The following LYPD6B variants were observed in gnomAD, a reference collection of about 807,000 sequenced individuals.
LYPD6B encodes the protein LY6/PLAUR domain containing 6B.
Under a neutral mutation model 22.8 loss-of-function variants are expected in LYPD6B, and 17 were observed. The observed-to-expected ratio is 0.75, with a 90% CI of 0.51 to 1.12. The LOEUF is 1.12. LYPD6B is among the 50% of genes most tolerant of loss of function. LYPD6B has a pLI of 0.00. For missense variants in LYPD6B, 221 were observed against 258.3 expected (o/e 0.86, Z 0.99); for synonymous variants, 106 against 91.6 (o/e 1.16, Z -0.90).
intron 3 of LYPD6B, among the ~76,000 whole-genome samples, chr2:149,167,054 GTT>G: frequency 6.9e-6 from 1 of 145,074 alleles, no homozygotes; most frequent in African/African-American, 2.5e-5. Flanking sequence ...TGCATTAAGT[GTT>G]TTTTTTTTTT....
At chr2:149,062,148 A>C (rs1684115188) in intron 1 of LYPD6B, among the ~76,000 whole-genome samples, 1 of 151,938 alleles carries the variant, frequency 6.6e-6, no homozygotes, top group Non-Finnish European at 1.5e-5. Flanking sequence ...CCACTACGCC[A>C]GGCTAATTTT....
At chr2:149,063,837 G>A (rs1039506054) in intron 1 of LYPD6B, among the ~76,000 whole-genome samples, 12 of 152,070 alleles carry the variant, frequency 7.9e-5, no homozygotes, top group African/African-American at 2.7e-4. Context: ...AGCAAAAGAA[G>A]CAACTAGCAA....
chr2:149,148,391 T>G (rs1689167222), intron 2 of LYPD6B, among the ~76,000 whole-genome samples: 1 of 152,172 alleles, frequency 6.6e-6, no homozygotes, highest in Non-Finnish European at 1.5e-5. Flanking sequence ...ATTCGGATCT[T>G]TGCCAAACTA....
intron 3 of LYPD6B, among the ~76,000 whole-genome samples, chr2:149,188,260 A>G (rs1160274091): frequency 2.6e-5 from 4 of 152,172 alleles, no homozygotes; most frequent in African/African-American, 7.2e-5. Context: ...TGTGATGCAA[A>G]GTAGAGACTC....
chr2:149,143,580 G>A (rs1178716915), intron 2 of LYPD6B, among the ~76,000 whole-genome samples: 1 of 151,472 alleles, frequency 6.6e-6, no homozygotes, highest in Non-Finnish European at 1.5e-5. Context: ...ATTAGCTATG[G>A]GTGACAATAA....
intron 1 of LYPD6B, among the ~76,000 whole-genome samples, chr2:149,067,246 G>A (rs1322010636): frequency 6.6e-6 from 1 of 152,062 alleles, no homozygotes; most frequent in Non-Finnish European, 1.5e-5. Flanking sequence ...TACATAATAT[G>A]TAAATGGTTT....
At chr2:149,124,774 A>G (rs1687591129) in intron 1 of LYPD6B, among the ~76,000 whole-genome samples, 1 of 152,146 alleles carries the variant, frequency 6.6e-6, no homozygotes, top group South Asian at 2.1e-4. Flanking sequence ...ATTACGTAAA[A>G]AGGAGCCCGA....
At chr2:149,115,166 T>A (rs547406694) in intron 1 of LYPD6B, among the ~76,000 whole-genome samples, 1 of 152,294 alleles carries the variant, frequency 6.6e-6, no homozygotes, top group Non-Finnish European at 1.5e-5. Context: ...CTTGAACTCC[T>A]GACCTCAAGT....
At chr2:149,050,346 T>G (rs1441855140) in intron 1 of LYPD6B, among the ~76,000 whole-genome samples, 1 of 152,134 alleles carries the variant, frequency 6.6e-6, no homozygotes, top group African/African-American at 2.4e-5. Context: ...TCATGATCCA[T>G]TTCACCCTGG....
At chr2:149,167,141 A>C (rs779452031) in intron 3 of LYPD6B, among the ~76,000 whole-genome samples, 7 of 152,068 alleles carry the variant, frequency 4.6e-5, no homozygotes, top group Non-Finnish European at 7.4e-5. Flanking sequence ...ATAGAAATGA[A>C]AACCTGACAG....
intron 5 of LYPD6B, among the ~76,000 whole-genome samples, chr2:149,210,708 T>C (rs1178801121): frequency 6.6e-6 from 1 of 152,242 alleles, no homozygotes; most frequent in East Asian, 1.9e-4. Context: ...GCTGACTTTT[T>C]AGGGCTGCCT....
intron 1 of LYPD6B, among the ~76,000 whole-genome samples, chr2:149,127,084 G>C (rs1300421349): frequency 6.7e-6 from 1 of 149,032 alleles, no homozygotes; most frequent in African/African-American, 2.5e-5. Flanking sequence ...AAATCTTTCT[G>C]GTCATTTTCT....
chr2:149,208,172 G>T, intron 4 of LYPD6B, 142 bp from the exon 5 acceptor site: 1 of 609,172 alleles, frequency 1.6e-6, no homozygotes, highest in Admixed American at 2.9e-5. Flanking sequence ...AGTAAATCTA[G>T]CTCTCTAGAA....
intron 3 of LYPD6B, among the ~76,000 whole-genome samples, chr2:149,202,233 G>A (rs1254847343): frequency 1.3e-5 from 2 of 152,068 alleles, no homozygotes; most frequent in Non-Finnish European, 2.9e-5. Flanking sequence ...ACAATTAGAT[G>A]GTCTAAATTC....
At chr2:149,045,367 A>G (rs897639923) in intron 1 of LYPD6B, among the ~76,000 whole-genome samples, 7 of 152,114 alleles carry the variant, frequency 4.6e-5, no homozygotes, top group African/African-American at 1.7e-4. Flanking sequence ...TCAAAGATCC[A>G]GATTTTGGTT....
chr2:149,164,038 G>A (rs1004138772), intron 3 of LYPD6B, among the ~76,000 whole-genome samples: 2 of 152,076 alleles, frequency 1.3e-5, no homozygotes, highest in African/African-American at 4.8e-5. Context: ...AGATGAATGG[G>A]CCCTCAGAAG....
rs116011934 is a variant in LYPD6B, at chr2:149,181,361, A to G, written c.77+20526A>G. 8.6e-3 allele frequency among the ~76,000 whole-genome samples: 1,303 copies of G among 152,260 alleles called. 22 individuals are homozygous for G. Among genetic ancestry groups the G allele is most frequent in the African/African-American group, 0.03 (1,259 of 41,532 alleles). On this transcript the variant is annotated intron_variant, in intron 3 of 6. Transcript: ENST00000409642. The stretch of plus-strand genomic sequence containing the variant: ...TAAGTTTGTAAACACCAAATCCCCT[A>G]TCCCTTGTAGCCAGAGTCGTTCAGC...
At chr2:149,063,249 T>A (rs1684173815) in intron 1 of LYPD6B, among the ~76,000 whole-genome samples, 1 of 152,204 alleles carries the variant, frequency 6.6e-6, no homozygotes, top group South Asian at 2.1e-4. Context: ...TTACTTTTAT[T>A]TTTTTCGGGC....
intron 1 of LYPD6B, among the ~76,000 whole-genome samples, chr2:149,070,516 G>T (rs1276779221): frequency 6.6e-6 from 1 of 151,996 alleles, no homozygotes; most frequent in Non-Finnish European, 1.5e-5. Context: ...ATTTTCGATG[G>T]TATTCCCAGT....
Sources: gnomAD v4.1 joint callset for allele counts (sites outside exome capture counted in the v4.1 genomes callset) on GRCh38, gnomAD v4.1.1 for gene constraint, MANE v1.5 for transcripts, NCBI Gene and HGNC (gene_info 2026-07-23, HGNC 2026-07-21) for gene names.